The following PCDHGA12 variants were observed in gnomAD, a reference collection of about 807,000 sequenced individuals.
The protein encoded by PCDHGA12 is protocadherin gamma-A12.
PCDHGA12 carries 43 observed loss-of-function variants against 61.1 expected under a neutral mutation model. The observed-to-expected ratio is 0.70, with a 90% confidence interval of 0.55 to 0.91. PCDHGA12 has a LOEUF of 0.91. PCDHGA12 is among the 40% of genes least tolerant of loss of function. PCDHGA12 has a pLI of 0.00. For synonymous variants in PCDHGA12, 520 were observed against 542.9 expected, an observed-to-expected ratio of 0.96 and a Z score of 0.59; for missense variants, 1,236 against 1,227.7, an observed-to-expected ratio of 1.01 and a Z score of -0.10.
rs537196945 is a variant in PCDHGA12 at position 141,470,749 on chromosome 5, G to A, written c.2425-24058G>A. 3.9e-5 allele frequency among the ~76,000 whole-genome samples: 6 copies of A among 152,260 alleles called. No individual in the cohort carries two copies. The East Asian group carries it at 7.7e-4, about 20-fold the overall frequency. On this transcript the variant is annotated intron_variant, in intron 1 of 3. Coordinates refer to ENST00000252085, the MANE Select transcript of PCDHGA12 (RefSeq NM_003735.3). ...GTCTTGCTCTGTCGCCCTGGCTGGAGTGCAGTGGACTCACTACAGTCTTGA... is the reference window on the plus strand; with the variant it reads ...GTCTTGCTCTGTCGCCCTGGCTGGAATGCAGTGGACTCACTACAGTCTTGA...
At chr5:141,472,507 T>G (rs919448316) in intron 1 of PCDHGA12, among the ~76,000 whole-genome samples, 2 of 151,872 alleles carry the variant, frequency 1.3e-5, no homozygotes, top group African/African-American at 4.8e-5. Context: ...GCCACTGCAC[T>G]CCAGCCTGGG....
chr5:141,467,769 G>A (rs573567102), intron 1 of PCDHGA12, among the ~76,000 whole-genome samples: 9 of 151,590 alleles, frequency 5.9e-5, no homozygotes, highest in East Asian at 3.9e-4. Flanking sequence ...TCAAGTGCCC[G>A]CACCTCAGCC....
At chr5:141,480,298 C>T (rs1238380283) in intron 1 of PCDHGA12, among the ~76,000 whole-genome samples, 1 of 132,676 alleles carries the variant, frequency 7.5e-6, no homozygotes, top group Non-Finnish European at 1.6e-5. Flanking sequence ...ACCTGTGGTA[C>T]CAGCTACTTG....
rs779949480 is a variant in PCDHGA12, at chr5:141,489,768, C to G, written c.2425-5039C>G. The G allele has an allele frequency of 6.2e-7, 1 of 1,614,134 alleles. No individual in the cohort carries two copies. The highest frequency in any genetic ancestry group is 1.1e-5 in the South Asian group (1 of 91,072). On this transcript the variant is annotated intron_variant, in intron 1 of 3. Coordinates refer to ENST00000252085, the MANE Select transcript of PCDHGA12 (RefSeq NM_003735.3). The surrounding 1 kb of genome is among the most constrained non-coding windows in gnomAD (Gnocchi z 4.5). ...GCTTTTACACTCTAAGCCCCAACAG[C>G]CACTTCTCTCTGAATGTGAAGACCC...
rs766164142 is a variant in PCDHGA12, at chr5:141,477,910, G to T, written c.2425-16897G>T. ...TGTCACGGGTGGTAGGCTGGGACGC[G>T]GATGCAGGGCACAATGCCTGGCTCT... On this transcript the variant is annotated intron_variant, in intron 1 of 3. Transcript: ENST00000252085. This position sits in a 1 kb window ranked among gnomAD's most constrained non-coding sequence, Gnocchi z 4.9. The T allele has an allele frequency of 6.2e-7, 1 of 1,614,048 alleles. No individual in the cohort carries two copies. Among genetic ancestry groups the T allele is most frequent in the African/African-American group, 1.3e-5 (1 of 74,932 alleles).
intron 1 of PCDHGA12, among the ~76,000 whole-genome samples, chr5:141,470,842 C>A (rs2099241464): frequency 6.6e-6 from 1 of 152,044 alleles, no homozygotes; most frequent in Non-Finnish European, 1.5e-5. Context: ...CACACGCCAC[C>A]ATGCTCAGAT....
chr5:141,431,681 G>A lies in PCDHGA12; in HGVS notation c.922G>A (p.Asp308Asn). The A allele has an allele frequency of 6.2e-7, 1 of 1,614,214 alleles. No homozygotes were observed. The highest frequency in any genetic ancestry group is 1.1e-5 in the South Asian group (1 of 91,086). The part of the protein sequence containing the change: ...SGTISTIGEL[D>N]HEESGFYQME... ...GACAATATCAACAATAGGGGAGTTG[G>A]ACCACGAGGAGTCAGGATTCTACCA... Residue 308 changes from aspartate to asparagine, a missense_variant, in exon 1 of 4, where the codon GAC becomes AAC. Coordinates refer to ENST00000252085, the MANE Select transcript of PCDHGA12 (RefSeq NM_003735.3). This position sits in a 1 kb window ranked among gnomAD's most constrained non-coding sequence, Gnocchi z 4.8.
intron 1 of PCDHGA12, among the ~76,000 whole-genome samples, chr5:141,449,974 A>T (rs2098661108): frequency 6.6e-6 from 1 of 151,260 alleles, no homozygotes; most frequent in African/African-American, 2.4e-5. Context: ...TTTAGTCCAA[A>T]ATATCACACA....
At position 141,476,716 on chromosome 5, in the gene PCDHGA12, C is replaced by G; in HGVS notation, c.2425-18091C>G. The G allele has an allele frequency of 6.2e-7, 1 of 1,614,148 alleles. No individual in the cohort carries two copies. On this transcript the variant is annotated intron_variant, in intron 1 of 3. Transcript: ENST00000252085. The surrounding 1 kb of genome is among the most constrained non-coding windows in gnomAD (Gnocchi z 7.6). The stretch of plus-strand genomic sequence containing the variant: ...AGTACGCGGAGCTGGTGTTGGAGCG[C>G]GCCCTGGACCGAGAACGGGAGCCTA...
chr5:141,431,237 C>A lies in PCDHGA12; in HGVS notation c.478C>A (p.Pro160Thr). 1 of 1,614,170 alleles carries A rather than the reference C, an allele frequency of 6.2e-7. No homozygotes were observed. Among genetic ancestry groups the A allele is most frequent in the Non-Finnish European group, 8.5e-7 (1 of 1,180,044 alleles). ...MRFPLPHAWDPDIGKNSLQSY... is the reference protein window; with the variant it reads ...MRFPLPHAWDTDIGKNSLQSY... The stretch of plus-strand genomic sequence containing the variant: ...GTTCCCTCTACCCCACGCCTGGGAT[C>A]CGGATATCGGGAAGAACTCTCTGCA... Residue 160 changes from proline (P) to threonine (T), a missense_variant, in exon 1 of 4, where the codon CCG (proline) becomes ACG (threonine). Transcript: ENST00000252085. The surrounding 1 kb of genome is among the most constrained non-coding windows in gnomAD (Gnocchi z 4.8).
At chr5:141,465,867 A>G (rs1049493106) in intron 1 of PCDHGA12, among the ~76,000 whole-genome samples, 5 of 152,040 alleles carry the variant, frequency 3.3e-5, no homozygotes, top group African/African-American at 9.7e-5. Context: ...TCATGCCTGT[A>G]ATCCCAGCAC....
chr5:141,489,904 C>T lies in PCDHGA12; in HGVS notation c.2425-4903C>T, dbSNP rs750411680. On this transcript the variant is annotated intron_variant, in intron 1 of 3. Transcript: ENST00000252085. This position sits in a 1 kb window ranked among gnomAD's most constrained non-coding sequence, Gnocchi z 4.5. ...TGCTGTGGATGGGGGGACCCCAGCC[C>T]GCTCAGGGACCACCCTTATCTCTGT... 1.6e-5 allele frequency: 26 copies of T among 1,614,092 alleles called. No homozygotes were observed. The highest frequency in any genetic ancestry group is 3.3e-5 in the Admixed American group (2 of 60,014).
chr5:141,437,648 A>G (rs1291089695), intron 1 of PCDHGA12, among the ~76,000 whole-genome samples: 2 of 152,204 alleles, frequency 1.3e-5, no homozygotes, highest in African/African-American at 4.8e-5. Context: ...AGAAAAGCAA[A>G]CACATAGTTT....
At chr5:141,433,877 A>G (rs1481965040) in intron 1 of PCDHGA12, among the ~76,000 whole-genome samples, 5 of 151,470 alleles carry the variant, frequency 3.3e-5, no homozygotes, top group Admixed American at 6.6e-5. Context: ...AGTTTCATCC[A>G]TTGATGACAC....
chr5:141,482,380 C>A (rs2099557573), intron 1 of PCDHGA12, among the ~76,000 whole-genome samples: 1 of 151,712 alleles, frequency 6.6e-6, no homozygotes, highest in Non-Finnish European at 1.5e-5. Context: ...ATATAAAGTC[C>A]CTGTATGGAG....
chr5:141,476,123 C>G lies in PCDHGA12; in HGVS notation c.2425-18684C>G. Reference sequence around the variant, plus strand: ...GGAACTGCTTTTGAGTGAGATGGTCCCAGAGGCCTGGAGGAGCGGACTGGT... The same window carrying G: ...GGAACTGCTTTTGAGTGAGATGGTCGCAGAGGCCTGGAGGAGCGGACTGGT... On this transcript the variant is annotated intron_variant, in intron 1 of 3. Coordinates refer to ENST00000252085, the MANE Select transcript of PCDHGA12 (RefSeq NM_003735.3). This position sits in a 1 kb window ranked among gnomAD's most constrained non-coding sequence, Gnocchi z 7.6. 1 of 1,602,442 alleles carries G rather than the reference C, an allele frequency of 6.2e-7. No individual in the cohort carries two copies. The highest frequency in any genetic ancestry group is 8.5e-7 in the Non-Finnish European group (1 of 1,176,022).
Position 141,510,938 on chromosome 5 carries a change from T to A in PCDHGA12, c.2573-9T>A. 1 of 1,614,026 alleles carries A rather than the reference T, an allele frequency of 6.2e-7. No homozygotes were observed. Among genetic ancestry groups the A allele is most frequent in the Non-Finnish European group, 8.5e-7 (1 of 1,179,984 alleles). ...TTAGCTCCCACCTGATCTTCCTCTG[T>A]CTCTGCAGAAGCTGCTGATGGGAGC... On this transcript the variant is annotated splice_polypyrimidine_tract_variant and intron_variant, in intron 3 of 3. Coordinates refer to ENST00000252085, the MANE Select transcript of PCDHGA12 (RefSeq NM_003735.3).
At chr5:141,478,169 G>T in intron 1 of PCDHGA12, 1 of 1,613,834 alleles carries the variant, frequency 6.2e-7, no homozygotes, top group Non-Finnish European at 8.5e-7. Flanking sequence ...TGCCCCCCGG[G>T]AGCAGAAAAA....
chr5:141,476,747 C>T lies in PCDHGA12; in HGVS notation c.2425-18060C>T. The T allele has an allele frequency of 6.2e-7, 1 of 1,614,066 alleles. No homozygotes were observed. The highest frequency in any genetic ancestry group is 8.5e-7 in the Non-Finnish European group (1 of 1,180,036). On this transcript the variant is annotated intron_variant, in intron 1 of 3. Transcript: ENST00000252085. This position sits in a 1 kb window ranked among gnomAD's most constrained non-coding sequence, Gnocchi z 7.6. The stretch of plus-strand genomic sequence containing the variant: ...GGACCGAGAACGGGAGCCTAGTCTC[C>T]AGTTAGTGCTGACGGCGTTGGACGG...
Sources: allele counts gnomAD v4.1 joint callset (sites outside exome capture counted in the v4.1 genomes callset), GRCh38; gene constraint gnomAD v4.1.1; non-coding constraint Gnocchi (gnomAD v3.1); transcripts MANE v1.5; gene names NCBI Gene and HGNC (gene_info 2026-07-23, HGNC 2026-07-21).